Variants in PDE4B observed in about 807,000 individuals in gnomAD.
PDE4B encodes the protein phosphodiesterase 4B, also known as 3',5'-cyclic-AMP phosphodiesterase 4B.
In PDE4B, 20 loss-of-function variants were observed where a neutral mutation model predicts 82.2. The ratio of observed to expected loss-of-function variants is 0.24; its 90% confidence interval spans 0.17 to 0.35. PDE4B has a LOEUF of 0.35. PDE4B is among the 10% of genes least tolerant of loss of function. PDE4B has a pLI of 1.00. For missense variants in PDE4B, 655 were observed against 907.2 expected (o/e 0.72, Z 3.57); for synonymous variants, 320 against 318.9 (o/e 1.00, Z -0.04).
intron 3 of PDE4B, among the ~76,000 whole-genome samples, chr1:66,057,049 G>T (rs1009889279): frequency 6.6e-6 from 1 of 152,162 alleles, no homozygotes; most frequent in Non-Finnish European, 1.5e-5. Context: ...TTGAATGTAT[G>T]TATATTCATC....
intron 15 of PDE4B, chr1:66,368,284 G>T (rs1663398444): frequency 6.1e-6 from 3 of 488,268 alleles, no homozygotes; most frequent in Non-Finnish European, 1.1e-5. Context: ...CTGCTTATTA[G>T]TTATATAAAT....
intron 3 of PDE4B, among the ~76,000 whole-genome samples, chr1:66,209,176 A>G (rs954790453): frequency 1.3e-5 from 2 of 152,226 alleles, no homozygotes; most frequent in Admixed American, 6.5e-5. Flanking sequence ...ATCTGCATGC[A>G]AGGAATTGCT....
chr1:65,918,680 GAGA>G lies in PDE4B; in HGVS notation c.129_131del (p.Arg44del). On this transcript the variant is annotated inframe_deletion, in exon 3 of 17. Coordinates refer to ENST00000341517, the MANE Select transcript of PDE4B (RefSeq NM_002600.4). ...CACTTGGGATCGACCTCTGGAGAGG[GAGA>G]AGGTGTTGCTCAGGAAACTTACAGT... 6.2e-7 allele frequency: 1 copy of G among 1,613,802 alleles called. No individual in the cohort carries two copies. The highest frequency in any genetic ancestry group is 1.1e-5 in the South Asian group (1 of 91,066).
intron 3 of PDE4B, among the ~76,000 whole-genome samples, chr1:66,096,509 T>TATATATATATATATATA (rs1645118861): frequency 3.3e-4 from 1 of 3,046 alleles, no homozygotes; most frequent in African/African-American, 5.1e-4. Context: ...TAAAAAAAAT[T>TATATATATATATATATA]ATATATATAT....
At chr1:66,209,607 C>A (rs958621638) in intron 3 of PDE4B, among the ~76,000 whole-genome samples, 5 of 151,854 alleles carry the variant, frequency 3.3e-5, no homozygotes, top group African/African-American at 9.7e-5. Context: ...ATGTATATAC[C>A]CTTGTAGCTA....
intron 1 of PDE4B, among the ~76,000 whole-genome samples, chr1:65,794,519 T>C (rs1372954091): frequency 2.6e-5 from 4 of 152,174 alleles, no homozygotes; most frequent in Non-Finnish European, 5.9e-5. Context: ...AGAAGATAGA[T>C]AAGGCCAATG....
At chr1:66,215,849 C>A (rs1358769996) in intron 3 of PDE4B, among the ~76,000 whole-genome samples, 1 of 152,038 alleles carries the variant, frequency 6.6e-6, no homozygotes, top group African/African-American at 2.4e-5. Context: ...AGACTCTGTC[C>A]CCATCTCACA....
chr1:66,365,982 G>A (rs1366060459), intron 13 of PDE4B, among the ~76,000 whole-genome samples: 1 of 152,130 alleles, frequency 6.6e-6, no homozygotes, highest in African/African-American at 2.4e-5. Flanking sequence ...TCATAGGGGA[G>A]CCATAAAAAG....
At chr1:66,060,716 T>G (rs1655541883) in intron 3 of PDE4B, among the ~76,000 whole-genome samples, 1 of 152,168 alleles carries the variant, frequency 6.6e-6, no homozygotes, top group Admixed American at 6.6e-5. Flanking sequence ...TGTGCTTTGC[T>G]TCTGTGACTC....
chr1:65,833,426 T>C (rs1012080949), intron 1 of PDE4B, among the ~76,000 whole-genome samples: 9 of 152,178 alleles, frequency 5.9e-5, no homozygotes, highest in African/African-American at 1.9e-4. Flanking sequence ...CAAAACACAG[T>C]TGAAAAACCA....
intron 3 of PDE4B, among the ~76,000 whole-genome samples, chr1:65,945,311 A>G (rs1648652568): frequency 6.6e-6 from 1 of 152,078 alleles, no homozygotes; most frequent in Middle Eastern, 3.4e-3. Flanking sequence ...TATTTCCTCT[A>G]CATCACACAT....
chr1:66,056,378 A>G (rs1655291331), intron 3 of PDE4B, among the ~76,000 whole-genome samples: 1 of 152,060 alleles, frequency 6.6e-6, no homozygotes, highest in Admixed American at 6.6e-5. Context: ...GAGACATGCA[A>G]TGCTAATTGC....
intron 1 of PDE4B, among the ~76,000 whole-genome samples, chr1:65,894,406 T>G (rs976082365): frequency 6.6e-6 from 1 of 152,114 alleles, no homozygotes; most frequent in African/African-American, 2.4e-5. Context: ...CATATACATA[T>G]GAAACTTAAA....
chr1:66,182,423 T>C lies in PDE4B; in HGVS notation c.282-65037T>C, dbSNP rs1647086413. ...TTAAAGAGACATTAAAGAAAATTGC[T>C]CTCCTATTTAAGTTAAATGTTTTAG... is the stretch of plus-strand genomic sequence containing the variant. On this transcript the variant is annotated intron_variant, in intron 3 of 16. Transcript: ENST00000341517. Among the ~76,000 whole-genome samples, 3 of 152,202 alleles carry C rather than the reference T, an allele frequency of 2.0e-5. No individual in the cohort carries two copies. The South Asian group carries it at 6.2e-4, about 31-fold the overall frequency.
At chr1:66,178,361 GA>G (rs1320292818) in intron 3 of PDE4B, among the ~76,000 whole-genome samples, 2 of 151,948 alleles carry the variant, frequency 1.3e-5, no homozygotes, top group East Asian at 1.9e-4. Flanking sequence ...TCATTTTCAT[GA>G]AAAAAATATT....
chr1:66,269,717 A>G (rs1285217094), intron 7 of PDE4B, among the ~76,000 whole-genome samples: 4 of 152,332 alleles, frequency 2.6e-5, no homozygotes, highest in Non-Finnish European at 4.4e-5. Context: ...TTGCTCTTCA[A>G]TAGTAATCAC....
intron 1 of PDE4B, among the ~76,000 whole-genome samples, chr1:65,825,558 T>G (rs1646003846): frequency 6.6e-6 from 1 of 152,034 alleles, no homozygotes; most frequent in Admixed American, 6.6e-5. Flanking sequence ...TGAAAACATC[T>G]ATTGGGGCCA....
intron 7 of PDE4B, among the ~76,000 whole-genome samples, chr1:66,297,366 G>A (rs1344616984): frequency 6.6e-6 from 1 of 151,950 alleles, no homozygotes; most frequent in East Asian, 1.9e-4. Context: ...TACAACGAAG[G>A]TATTGTTTTA....
chr1:66,104,260 A>G (rs1406395683), intron 3 of PDE4B, among the ~76,000 whole-genome samples: 1 of 152,086 alleles, frequency 6.6e-6, no homozygotes, highest in Non-Finnish European at 1.5e-5. Flanking sequence ...CCTGCAAAGG[A>G]CATGAACTCA....
Sources: gnomAD v4.1 joint callset for allele counts (sites outside exome capture counted in the v4.1 genomes callset) on GRCh38, gnomAD v4.1.1 for gene constraint, MANE v1.5 for transcripts, NCBI Gene and HGNC (gene_info 2026-07-23, HGNC 2026-07-21) for gene names.